Variants in VLDLR observed in about 807,000 individuals in gnomAD.
The protein encoded by VLDLR is very low density lipoprotein receptor.
In VLDLR, 81 loss-of-function variants were observed where a neutral mutation model predicts 112.7. That is an observed-to-expected ratio of 0.72 (90% confidence interval 0.60 to 0.86). The LOEUF (loss-of-function observed/expected upper bound fraction) is 0.86, where lower values mean the gene tolerates loss of function less well. VLDLR is among the 40% of genes least tolerant of loss of function. VLDLR has a pLI of 0.00. For missense variants in VLDLR, 1,237 were observed against 1,099.4 expected, an observed-to-expected ratio of 1.13 and a Z score of -1.77; for synonymous variants, 436 against 384.8, an observed-to-expected ratio of 1.13 and a Z score of -1.56.
At chr9:2,653,494 G>A (rs1818450889) in intron 18 of VLDLR, among the ~76,000 whole-genome samples, 1 of 152,152 alleles carries the variant, frequency 6.6e-6, no homozygotes. Context: ...AACAAAACAA[G>A]TATTGATCAC....
intron 1 of VLDLR, among the ~76,000 whole-genome samples, chr9:2,626,780 C>T (rs941920266): frequency 6.8e-6 from 1 of 147,428 alleles, no homozygotes; most frequent in African/African-American, 2.5e-5. Context: ...AACAAAGCCT[C>T]GGCGATAGAC....
At chr9:2,644,236 G>A (rs1035408722) in intron 7 of VLDLR, among the ~76,000 whole-genome samples, 2 of 134,634 alleles carry the variant, frequency 1.5e-5, no homozygotes, top group African/African-American at 5.7e-5. Flanking sequence ...TCGGCTCACT[G>A]CAACCTCTGC....
intron 1 of VLDLR, among the ~76,000 whole-genome samples, chr9:2,626,303 T>C (rs1817083884): frequency 6.6e-6 from 1 of 152,234 alleles, no homozygotes; most frequent in Non-Finnish European, 1.5e-5. Context: ...AGACTATTTT[T>C]AATGATTTTA....
rs1816791703 is a variant in VLDLR, at chr9:2,621,851, T to C, written c.-339T>C. 3.7e-6 allele frequency: 2 copies of C among 542,594 alleles called. No homozygotes were observed. Among genetic ancestry groups the C allele is most frequent in the African/African-American group, 1.9e-5 (1 of 52,248 alleles). 33.6% of individuals were successfully genotyped at this position (542,594 alleles called of 1,614,324 possible). On this transcript the variant is annotated 5_prime_UTR_variant, in exon 1 of 19. Transcript: ENST00000382100. ...ACCGGCTCCTCTCCGTTCTGTGCTC[T>C]CTTCTGCTCTCGGCTCCCCACCCCC...
intron 1 of VLDLR, among the ~76,000 whole-genome samples, chr9:2,632,933 G>C (rs550724917): frequency 6.6e-6 from 1 of 152,230 alleles, no homozygotes; most frequent in South Asian, 2.1e-4. Context: ...TATAAAGCCA[G>C]CTTGTCTTCC....
intron 1 of VLDLR, among the ~76,000 whole-genome samples, chr9:2,629,162 C>G (rs567067050): frequency 2.0e-5 from 3 of 152,356 alleles, no homozygotes; most frequent in African/African-American, 4.8e-5. Context: ...GCCCAGCATT[C>G]TGTGTTTTAA....
At chr9:2,638,488 A>G (rs769848168) in intron 2 of VLDLR, among the ~76,000 whole-genome samples, 2 of 152,232 alleles carry the variant, frequency 1.3e-5, no homozygotes, top group Non-Finnish European at 1.5e-5. Context: ...ATGTTTTAAA[A>G]TAGAAATTGG....
intron 11 of VLDLR, among the ~76,000 whole-genome samples, chr9:2,646,792 T>C (rs1002391486): frequency 6.6e-6 from 1 of 152,216 alleles, no homozygotes; most frequent in Non-Finnish European, 1.5e-5. Flanking sequence ...CATTAATGAA[T>C]TAACATTCCT....
intron 18 of VLDLR, 83 bp downstream of exon 18, chr9:2,653,032 A>G (rs2130811121): frequency 1.3e-6 from 2 of 1,558,502 alleles, no homozygotes; most frequent in Admixed American, 1.7e-5. Context: ...AGAGAGAGCC[A>G]TTAGGATGAT....
At position 2,634,226 on chromosome 9, in the gene VLDLR, A is replaced by G. The variant is rs530850335; in HGVS notation, c.83-1227A>G. 2.0e-4 allele frequency among the ~76,000 whole-genome samples: 30 copies of G among 152,312 alleles called. No individual in the cohort carries two copies. The East Asian group carries it at 2.7e-3, about 14-fold the overall frequency. On this transcript the variant is annotated intron_variant, in intron 1 of 18. Transcript: ENST00000382100. ...TCCCAGACAGCAGGGAGTAGCTGAC[A>G]CTAGGGAGACCAACTAGGGTATTGT...
In VLDLR at chr9:2,651,558, A is replaced by G. The variant is rs1818339472; in HGVS notation, c.2335+60A>G. ...ACTAACAGCCACACTCTTTGTATCT[A>G]CAGCTTAAATAATTAATGCAGCCTT... On this transcript the variant is annotated intron_variant, in intron 16 of 18. Transcript: ENST00000382100. 2.8e-6 allele frequency: 4 copies of G among 1,436,578 alleles called. No homozygotes were observed. The South Asian group carries it at 3.5e-5, about 13-fold the overall frequency. The allele number at this position is 1,436,578 out of a possible 1,614,324, so 89.0% of individuals were successfully genotyped here. A position where few individuals can be genotyped will look rare whatever the true frequency, so the allele number is the denominator to read the frequency against.
chr9:2,625,698 A>G (rs1041037515), intron 1 of VLDLR, among the ~76,000 whole-genome samples: 2 of 152,190 alleles, frequency 1.3e-5, no homozygotes, highest in Non-Finnish European at 2.9e-5. Context: ...TTTGGTCCCT[A>G]CTAATTTAAT....
At chr9:2,632,562 C>G (rs1419694451) in intron 1 of VLDLR, among the ~76,000 whole-genome samples, 1 of 152,174 alleles carries the variant, frequency 6.6e-6, no homozygotes, top group Non-Finnish European at 1.5e-5. Flanking sequence ...GACTGCAGGT[C>G]CACAATCCTA....
At chr9:2,623,612 C>G (rs1424037567) in intron 1 of VLDLR, among the ~76,000 whole-genome samples, 2 of 152,230 alleles carry the variant, frequency 1.3e-5, no homozygotes, top group Admixed American at 6.5e-5. Context: ...AGCGTGTGAA[C>G]TGGGACTGGC....
rs1333255498 is a variant in VLDLR at position 2,621,814 on chromosome 9, G to C, written c.-376G>C. 6 of 486,978 alleles carry C rather than the reference G, an allele frequency of 1.2e-5. No individual in the cohort carries two copies. Among genetic ancestry groups the C allele is most frequent in the Admixed American group, 2.4e-5 (1 of 40,924 alleles). The allele number at this position is 486,978 out of a possible 1,614,324, so 30.2% of individuals were successfully genotyped here. ...CCCGCTCTCCGGCCGCCGCCGGTGC[G>C]GGTGCTCCGCTACCGGCTCCTCTCC... On this transcript the variant is annotated 5_prime_UTR_variant, in exon 1 of 19. Transcript: ENST00000382100.
At chr9:2,637,867 C>T (rs997609092) in intron 2 of VLDLR, among the ~76,000 whole-genome samples, 5 of 152,068 alleles carry the variant, frequency 3.3e-5, no homozygotes, top group African/African-American at 1.2e-4. Context: ...GGCGTGAACC[C>T]GGGAGGCGGA....
intron 2 of VLDLR, among the ~76,000 whole-genome samples, chr9:2,639,327 A>G (rs1340892580): frequency 6.6e-6 from 1 of 152,206 alleles, no homozygotes; most frequent in Non-Finnish European, 1.5e-5. Context: ...TGCTAATCCC[A>G]TTCATGGGGG....
intron 4 of VLDLR, 44 bp downstream of exon 4, chr9:2,641,543 C>T (rs377052568): frequency 6.2e-7 from 1 of 1,612,560 alleles, no homozygotes; most frequent in African/African-American, 1.3e-5. Context: ...AGACCCTTTT[C>T]CTAAAGGAAG....
intron 12 of VLDLR, 50 bp from the exon 13 acceptor site, chr9:2,648,158 G>A (rs778952865): frequency 1.9e-6 from 3 of 1,611,672 alleles, no homozygotes; most frequent in South Asian, 2.2e-5. Context: ...TTTAATGGAA[G>A]CCAGAGTAGT....
Sources: gnomAD v4.1 joint callset for allele counts (sites outside exome capture counted in the v4.1 genomes callset) on GRCh38, gnomAD v4.1.1 for gene constraint, MANE v1.5 for transcripts, NCBI Gene and HGNC (gene_info 2026-07-23, HGNC 2026-07-21) for gene names.